Variants in POMK observed in about 807,000 individuals in gnomAD.
POMK encodes the protein Sugen kinase 196.
In POMK, 19 loss-of-function variants were observed where a neutral mutation model predicts 23.0. The observed-to-expected ratio is 0.83, with a 90% CI of 0.58 to 1.21. The LOEUF is 1.21. Among genes scored for constraint, POMK ranks in the 50% most tolerant of loss-of-function variants. POMK has a pLI of 0.00. For missense variants in POMK, 410 were observed against 431.3 expected, an observed-to-expected ratio of 0.95 and a Z score of 0.44; for synonymous variants, 173 against 171.6, an observed-to-expected ratio of 1.01 and a Z score of -0.06.
chr8:43,103,396 C>T, intron 3 of POMK, 132 bp from the exon 4 acceptor site: 1 of 800,156 alleles, frequency 1.2e-6, no homozygotes, highest in Non-Finnish European at 2.1e-6. Flanking sequence ...GTGTTCGATA[C>T]CTGCTTTAAT....
At chr8:43,112,773 GAA>G (rs1260715364) in intron 4 of POMK, among the ~76,000 whole-genome samples, 5 of 152,202 alleles carry the variant, frequency 3.3e-5, no homozygotes, top group African/African-American at 1.2e-4. Flanking sequence ...CATTCTTAGA[GAA>G]AAGAATTTTC....
chr8:43,094,759 C>T (rs1226992385), intron 1 of POMK, among the ~76,000 whole-genome samples: 1 of 152,078 alleles, frequency 6.6e-6, no homozygotes, highest in Non-Finnish European at 1.5e-5. Context: ...CTTTTCTTTT[C>T]TTTTTAAGCT....
At chr8:43,113,077 C>T (rs891061316) in intron 4 of POMK, among the ~76,000 whole-genome samples, 29 of 152,128 alleles carry the variant, frequency 1.9e-4, no homozygotes, top group African/African-American at 7.0e-4. Flanking sequence ...GTGAATCTCA[C>T]AATTATGTGT....
chr8:43,118,447 C>T (rs1811846558), intron 4 of POMK, among the ~76,000 whole-genome samples: 2 of 152,160 alleles, frequency 1.3e-5, no homozygotes, highest in Non-Finnish European at 2.9e-5. Flanking sequence ...GGAAGTAAAA[C>T]TGGGGGCAGG....
At chr8:43,102,128 G>A (rs149691225) in intron 2 of POMK, among the ~76,000 whole-genome samples, 4 of 152,288 alleles carry the variant, frequency 2.6e-5, no homozygotes, top group African/African-American at 9.6e-5. Context: ...TTGTTTACTT[G>A]TTTATTGTCT....
chr8:43,097,114 C>T (rs1187209023), intron 1 of POMK, among the ~76,000 whole-genome samples: 2 of 152,052 alleles, frequency 1.3e-5, no homozygotes, highest in African/African-American at 4.8e-5. Context: ...TAGATAAGAT[C>T]GATTAGATAG....
At position 43,113,978 on chromosome 8, in the gene POMK, C is replaced by G. The variant is rs562073190; in HGVS notation, c.283-8129C>G. On this transcript the variant is annotated intron_variant, in intron 4 of 4. Transcript: ENST00000331373. The stretch of plus-strand genomic sequence containing the variant: ...CTGATCGTTCCTCTGGAAGTTTTGT[C>G]TCAGAGGAGTACCCGGCCCCGTGAG... 2.0e-5 allele frequency among the ~76,000 whole-genome samples: 3 copies of G among 152,316 alleles called. No homozygotes were observed. The East Asian group carries it at 5.8e-4, about 29-fold the overall frequency.
Position 43,122,448 on chromosome 8 carries a change from G to C in POMK, c.624G>C (p.Leu208=), listed in dbSNP as rs34040483. 0.01 allele frequency: 16,643 copies of C among 1,614,132 alleles called. 105 individuals are homozygous for C. The highest frequency in any genetic ancestry group is 0.013 in the Non-Finnish European group (15,078 of 1,180,012). ...GTRVMCDSND[L]PKTLSQYLLT... is the part of the protein sequence containing the mutation. ...GGGTCATGTGCGACTCCAACGACCT[G>C]CCGAAGACACTGTCCCAGTATCTGC... is the stretch of plus-strand genomic sequence containing the variant. The change falls in exon 5 of 5, where the codon CTG becomes CTC. Residue 208 remains leucine (L), a synonymous_variant. Coordinates refer to ENST00000331373, the MANE Select transcript of POMK (RefSeq NM_032237.5).
chr8:43,094,501 CT>C (rs953283272), intron 1 of POMK, among the ~76,000 whole-genome samples: 3 of 152,080 alleles, frequency 2.0e-5, no homozygotes, highest in African/African-American at 7.2e-5. Flanking sequence ...ATCATATTCT[CT>C]TTTTTTTAGA....
intron 2 of POMK, among the ~76,000 whole-genome samples, chr8:43,100,796 G>A (rs1341123685): frequency 6.6e-6 from 1 of 151,916 alleles, no homozygotes; most frequent in East Asian, 1.9e-4. Context: ...GGGTGGTGGT[G>A]GTGCGGGAAG....
At chr8:43,112,199 A>G (rs1452301835) in intron 4 of POMK, among the ~76,000 whole-genome samples, 1 of 152,210 alleles carries the variant, frequency 6.6e-6, no homozygotes, top group East Asian at 1.9e-4. Flanking sequence ...TAACTAGAAT[A>G]ACCAATGCAG....
rs146440399 is a variant in POMK at position 43,110,378 on chromosome 8, C to G, written c.282+6548C>G. ...TAACTCCACATGTCTCAGGCCTTAC[C>G]TAGCTATAAAGCAGGCAAGTTGTAC... On this transcript the variant is annotated intron_variant, in intron 4 of 4. Coordinates refer to ENST00000331373, the MANE Select transcript of POMK (RefSeq NM_032237.5). Among the ~76,000 whole-genome samples, 383 of 152,344 alleles carry G rather than the reference C, an allele frequency of 2.5e-3. 2 individuals are homozygous for G. The highest frequency in any genetic ancestry group is 0.011 in the South Asian group (53 of 4,828).
intron 1 of POMK, among the ~76,000 whole-genome samples, chr8:43,094,136 C>T (rs915059228): frequency 6.6e-6 from 1 of 152,176 alleles, no homozygotes; most frequent in African/African-American, 2.4e-5. Context: ...CTCTGTCGCC[C>T]AGGCTGGAGT....
intron 1 of POMK, among the ~76,000 whole-genome samples, chr8:43,097,149 A>G (rs1811351076): frequency 6.6e-6 from 1 of 152,228 alleles, no homozygotes; most frequent in South Asian, 2.1e-4. Flanking sequence ...TAGGAATTAT[A>G]TACACCAGTG....
At position 43,122,609 on chromosome 8, in the gene POMK, A is replaced by G. The variant is rs1363861883; in HGVS notation, c.785A>G (p.Tyr262Cys). Residue 262 changes from tyrosine to cysteine, a missense_variant, in exon 5 of 5, where the codon TAT becomes TGT. Physicochemically the swap from Tyr to Cys is radical, Grantham distance 194. Transcript: ENST00000331373. ...DFVAPEQLWPYGEDVPFHDDL... is the reference protein window; with the variant it reads ...DFVAPEQLWPCGEDVPFHDDL... ...GTGGCTCCAGAGCAACTGTGGCCCT[A>G]TGGAGAGGACGTGCCTTTCCACGAT... is the stretch of plus-strand genomic sequence containing the variant. 3.1e-6 allele frequency: 5 copies of G among 1,614,108 alleles called. No homozygotes were observed. The highest frequency in any genetic ancestry group is 1.3e-5 in the African/African-American group (1 of 74,940).
intron 1 of POMK, among the ~76,000 whole-genome samples, chr8:43,095,963 G>A (rs551119058): frequency 6.6e-6 from 1 of 152,202 alleles, no homozygotes; most frequent in African/African-American, 2.4e-5. Flanking sequence ...GAAGACAGGA[G>A]CCGTGAGGAG....
intron 1 of POMK, among the ~76,000 whole-genome samples, chr8:43,095,487 GT>G (rs1257735401): frequency 2.6e-5 from 4 of 152,148 alleles, no homozygotes; most frequent in Non-Finnish European, 5.9e-5. Flanking sequence ...TGCATTAAAG[GT>G]TTTCTGAGTA....
intron 4 of POMK, among the ~76,000 whole-genome samples, chr8:43,116,843 T>C (rs1026279615): frequency 6.6e-6 from 1 of 152,222 alleles, no homozygotes. Context: ...ACAGGCTTTG[T>C]GTGAGCAATA....
At chr8:43,112,933 A>G (rs1186922886) in intron 4 of POMK, among the ~76,000 whole-genome samples, 1 of 152,260 alleles carries the variant, frequency 6.6e-6, no homozygotes, top group East Asian at 1.9e-4. Flanking sequence ...ATGGAAAGGA[A>G]CAACCGGTAC....
Sources: gnomAD v4.1 joint callset for allele counts (sites outside exome capture counted in the v4.1 genomes callset) on GRCh38, gnomAD v4.1.1 for gene constraint, MANE v1.5 for transcripts, NCBI Gene and HGNC (gene_info 2026-07-23, HGNC 2026-07-21) for gene names.